The following IQCK variants were observed in gnomAD, a reference collection of about 807,000 sequenced individuals.
IQCK encodes the protein IQ motif containing K.
A neutral mutation model predicts 28.1 loss-of-function variants in IQCK; 29 were observed. That is an observed-to-expected ratio of 1.03 (90% CI 0.77 to 1.41). The LOEUF (loss-of-function observed/expected upper bound fraction) is 1.41. Ranked by LOEUF, IQCK falls within the 40% of genes most tolerant of loss-of-function variation. IQCK has a pLI of 0.00. For synonymous variants in IQCK, 113 were observed against 115.1 expected, an observed-to-expected ratio of 0.98 and a Z score of 0.12; for missense variants, 359 against 314.7, an observed-to-expected ratio of 1.14 and a Z score of -1.07.
chr16:19,830,348 G>A (rs1383354351), downstream of IQCK, among the ~76,000 whole-genome samples: 1 of 152,170 alleles, frequency 6.6e-6, no homozygotes, highest in Non-Finnish European at 1.5e-5. Flanking sequence ...GATTGGGCTC[G>A]CTTCGGAGCA....
At chr16:19,732,053 G>A (rs1282507362) in intron 2 of IQCK, among the ~76,000 whole-genome samples, 1 of 152,184 alleles carries the variant, frequency 6.6e-6, no homozygotes. Context: ...GGGCGTCCTA[G>A]CTCCAGAAGA....
At chr16:19,811,615 A>T (rs189083347) in intron 7 of IQCK, among the ~76,000 whole-genome samples, 1 of 152,174 alleles carries the variant, frequency 6.6e-6, no homozygotes, top group Non-Finnish European at 1.5e-5. Context: ...GCTGCTCTTC[A>T]TGAGTCACAG....
At chr16:19,816,094 C>T (rs2055985992) in intron 7 of IQCK, among the ~76,000 whole-genome samples, 1 of 152,140 alleles carries the variant, frequency 6.6e-6, no homozygotes, top group Admixed American at 6.5e-5. Flanking sequence ...CTGCCTTCCT[C>T]CAGAGCAATT....
At chr16:19,800,809 T>A (rs2055748763) in intron 7 of IQCK, among the ~76,000 whole-genome samples, 1 of 105,250 alleles carries the variant, frequency 9.5e-6, no homozygotes, top group South Asian at 2.9e-4. Context: ...AGGAGTGATG[T>A]TTTTATTCTC....
At chr16:19,802,454 G>A (rs1241263091) in intron 7 of IQCK, among the ~76,000 whole-genome samples, 1 of 74,506 alleles carries the variant, frequency 1.3e-5, no homozygotes, top group Admixed American at 1.7e-4. Flanking sequence ...TGTAAAATGG[G>A]AGTAATAATT....
At chr16:19,732,403 C>G (rs554775660) in intron 2 of IQCK, among the ~76,000 whole-genome samples, 52 of 152,246 alleles carry the variant, frequency 3.4e-4, no homozygotes, top group Middle Eastern at 3.4e-3. Context: ...TGTCCACTGG[C>G]CGACTTTTCT....
At chr16:19,824,973 A>G (rs2056126878) in intron 7 of IQCK, among the ~76,000 whole-genome samples, 1 of 152,188 alleles carries the variant, frequency 6.6e-6, no homozygotes, top group South Asian at 2.1e-4. Context: ...GACCTCTCCA[A>G]GGCTGGGTTC....
At chr16:19,758,194 A>G (rs2055079055) in intron 4 of IQCK, among the ~76,000 whole-genome samples, 1 of 151,788 alleles carries the variant, frequency 6.6e-6, no homozygotes, top group South Asian at 2.1e-4. Flanking sequence ...TTCCTCTCTT[A>G]TTTCATCACT....
At chr16:19,754,526 G>GT (rs1870368993) in intron 4 of IQCK, among the ~76,000 whole-genome samples, 1 of 152,096 alleles carries the variant, frequency 6.6e-6, no homozygotes, top group Admixed American at 6.6e-5. Context: ...GTAGACCATA[G>GT]TTGGTATCAG....
At chr16:19,856,882 A>C in exon 10 of IQCK, 1 of 223,478 alleles carries the variant, frequency 4.5e-6, no homozygotes, top group South Asian at 1.1e-4. Flanking sequence ...TGCTCTTATT[A>C]CCAGTTTTCC....
intron 7 of IQCK, among the ~76,000 whole-genome samples, chr16:19,814,786 C>CTT (rs35073247): frequency 0.023 from 2,770 of 122,374 alleles, 138 homozygotes; most frequent in African/African-American, 0.075. Context: ...TAAAGAGGGT[C>CTT]TTTTTTTTTT....
In IQCK at chr16:19,730,495, G is replaced by T; in HGVS notation, c.246+1G>T. 3 of 1,605,554 alleles carry T rather than the reference G, an allele frequency of 1.9e-6. No homozygotes were observed. The highest frequency in any genetic ancestry group is 1.7e-6 in the Non-Finnish European group (2 of 1,175,294). ...AGTCAAACAGGAGCCTGTGATTACG[G>T]TGAGTATTACCTAGGCCTCAACCGA... On this transcript the variant is annotated splice_donor_variant, in intron 2 of 7. Coordinates refer to ENST00000564186, the Ensembl canonical transcript of IQCK. LOFTEE classifies it high-confidence loss of function.
chr16:19,763,963 A>G, intron 5 of IQCK, 63 bp downstream of exon 5: 4 of 1,593,476 alleles, frequency 2.5e-6, no homozygotes, highest in Non-Finnish European at 3.4e-6. Context: ...ATTTGCAAGC[A>G]GAATAGCAAC....
exon 8 of IQCK, chr16:19,827,069 A>G: frequency 6.2e-7 from 1 of 1,614,194 alleles, no homozygotes; most frequent in Non-Finnish European, 8.5e-7. Context: ...CAGTGGCAGA[A>G]GAAACTTCGC....
chr16:19,800,962 C>G (rs1181102306), intron 7 of IQCK, among the ~76,000 whole-genome samples: 1 of 117,182 alleles, frequency 8.5e-6, no homozygotes, highest in Admixed American at 7.5e-5. Context: ...CATACTTAGA[C>G]TATTTTTTCT....
At chr16:19,728,740 T>C (rs9922979) in intron 1 of IQCK, among the ~76,000 whole-genome samples, 2,801 of 152,318 alleles carry the variant, frequency 0.018, 68 homozygotes, top group African/African-American at 0.064. Context: ...TTTATGTCAA[T>C]GATTTGTGCT....
chr16:19,815,462 G>A (rs569301993), intron 7 of IQCK, among the ~76,000 whole-genome samples: 4 of 152,262 alleles, frequency 2.6e-5, no homozygotes, highest in African/African-American at 9.6e-5. Flanking sequence ...ACCAGCCTAG[G>A]CAGCATAGTG....
chr16:19,818,098 C>G (rs1469210250), intron 7 of IQCK, among the ~76,000 whole-genome samples: 4 of 152,162 alleles, frequency 2.6e-5, no homozygotes, highest in African/African-American at 9.6e-5. Context: ...TGCCTCCTCC[C>G]CTGCCCTTCG....
intron 9 of IQCK, among the ~76,000 whole-genome samples, chr16:19,840,633 C>A (rs1045681414): frequency 6.6e-6 from 1 of 152,182 alleles, no homozygotes; most frequent in Non-Finnish European, 1.5e-5. Context: ...CTCAATTATT[C>A]TTTACACCTT....
Sources: gnomAD v4.1 joint callset for allele counts (sites outside exome capture counted in the v4.1 genomes callset) on GRCh38, gnomAD v4.1.1 for gene constraint, MANE v1.5 for transcripts, NCBI Gene and HGNC (gene_info 2026-07-23, HGNC 2026-07-21) for gene names.